FAM120A: variants seen among roughly 807,000 people sequenced by gnomAD.
FAM120A encodes the protein constitutive coactivator of PPAR-gamma-like protein 1.
FAM120A carries 15 observed loss-of-function variants against 109.7 expected under a neutral mutation model. That is an observed-to-expected ratio of 0.14 (90% CI 0.09 to 0.21). FAM120A has a LOEUF of 0.21. Ranked by LOEUF, FAM120A falls within the 10% of genes least tolerant of loss-of-function variation. FAM120A has a pLI of 1.00. For synonymous variants in FAM120A, 493 were observed against 572.8 expected, an observed-to-expected ratio of 0.86 and a Z score of 1.99; for missense variants, 899 against 1,439.3, an observed-to-expected ratio of 0.62 and a Z score of 6.07.
Position 93,498,958 on chromosome 9 carries a change from A to G in FAM120A, c.1030+72A>G, listed in dbSNP as rs951253703. 1.0e-6 allele frequency: 1 copy of G among 982,450 alleles called. No homozygotes were observed. The highest frequency in any genetic ancestry group is 1.6e-6 in the Non-Finnish European group (1 of 616,394). 60.9% of individuals were successfully genotyped at this position (982,450 alleles called of 1,614,324 possible). On this transcript the variant is annotated intron_variant, in intron 5 of 17. Transcript: ENST00000277165. This position sits in a 1 kb window ranked among gnomAD's most constrained non-coding sequence, Gnocchi z 4.4. ...AAGTAGGTTTAAATATTCACCATAT[A>G]ATCTTGTAGGTTTATGTTTTTGAAA...
Position 93,451,929 on chromosome 9 carries a change from G to A in FAM120A, c.14G>A (p.Gly5Asp). 6.7e-7 allele frequency: 1 copy of A among 1,489,338 alleles called. No homozygotes were observed. The highest frequency in any genetic ancestry group is 1.3e-5 in the South Asian group (1 of 76,970). The allele number at this position is 1,489,338 out of a possible 1,614,324, so 92.3% of individuals were successfully genotyped here. A position where few individuals can be genotyped will look rare whatever the true frequency, so the allele number is the denominator to read the frequency against. The change falls in exon 1 of 18, where the codon GGC becomes GAC. Residue 5 changes from glycine to aspartate, a missense_variant. Around this residue, in one of 11 missense-constraint regions of FAM120A, gnomAD observed 258 missense variants for 451.4 expected, o/e 0.57. Transcript: ENST00000277165. Reference sequence around the variant, plus strand: ...CCCGCCGCCGCCATGGGCGTGCAGGGCTTCCAGGACTACATCGAGAAGCAC... The same window carrying A: ...CCCGCCGCCGCCATGGGCGTGCAGGACTTCCAGGACTACATCGAGAAGCAC... Reference protein sequence around the residue: MGVQGFQDYIEKHCP... With the variant: MGVQDFQDYIEKHCP...
At chr9:93,487,805 G>A (rs77170353) in intron 3 of FAM120A, among the ~76,000 whole-genome samples, 4,332 of 152,250 alleles carry the variant, frequency 0.028, 91 homozygotes, top group East Asian at 0.07. Flanking sequence ...AAAATTGATG[G>A]ATTTTATTCC....
At chr9:93,537,337 G>T (rs1453511380) in intron 10 of FAM120A, among the ~76,000 whole-genome samples, 4 of 152,176 alleles carry the variant, frequency 2.6e-5, no homozygotes, top group Non-Finnish European at 5.9e-5. Flanking sequence ...CATTTTAAAA[G>T]ATTGTAGAGT....
chr9:93,484,037 TC>T (rs1304665799), intron 3 of FAM120A, among the ~76,000 whole-genome samples: 1 of 150,686 alleles, frequency 6.6e-6, no homozygotes, highest in East Asian at 1.9e-4. Flanking sequence ...TCTGTGTCTC[TC>T]TTTTTTTTTT....
intron 1 of FAM120A, among the ~76,000 whole-genome samples, chr9:93,460,721 G>T: frequency 6.6e-6 from 1 of 152,188 alleles, no homozygotes; most frequent in East Asian, 1.9e-4. Flanking sequence ...GATGCTTGGT[G>T]TGTAGTACAT....
intron 9 of FAM120A, chr9:93,530,029 C>T (rs1861267665): frequency 3.6e-6 from 1 of 280,990 alleles, no homozygotes; most frequent in African/African-American, 2.2e-5. Flanking sequence ...TGTGTTTTGA[C>T]TTGTTCATGA....
In FAM120A at chr9:93,523,359, C is replaced by T. The variant is rs541323794; in HGVS notation, c.1419-3796C>T. The T allele has an allele frequency of 2.7e-5, 35 of 1,285,386 alleles. No homozygotes were observed. The Admixed American group carries it at 8.1e-4, about 30-fold the overall frequency. 79.6% of individuals were successfully genotyped at this position (1,285,386 alleles called of 1,614,324 possible). A position where few individuals can be genotyped will look rare whatever the true frequency, so the allele number is the denominator to read the frequency against. On this transcript the variant is annotated intron_variant, in intron 7 of 17. Coordinates refer to ENST00000277165, the MANE Select transcript of FAM120A (RefSeq NM_014612.5). ...CGTGCTCTGCTCCAGGATCCTGAGG[C>T]ATGGGTAGGTAGGCCTGGGGCTGAG...
intron 2 of FAM120A, 130 bp from the exon 3 acceptor site, chr9:93,476,124 TAA>T (rs1168571739): frequency 3.8e-5 from 23 of 613,202 alleles, no homozygotes; most frequent in Non-Finnish European, 6.4e-5. Flanking sequence ...CGCTTTATGT[TAA>T]GAGATGAAGA....
chr9:93,534,438 G>C (rs13292712), intron 10 of FAM120A, among the ~76,000 whole-genome samples: 79,303 of 151,808 alleles, frequency 0.52, 21,038 homozygotes, highest in East Asian at 0.59. Context: ...TTGGGGAAGT[G>C]TGAAATGACT....
intron 5 of FAM120A, among the ~76,000 whole-genome samples, chr9:93,507,309 G>A (rs1860104902): frequency 6.6e-6 from 1 of 152,210 alleles, no homozygotes; most frequent in Non-Finnish European, 1.5e-5. Context: ...TCAATGAAAA[G>A]AATTCGGGGG....
chr9:93,523,395 T>C (rs1471974696), intron 7 of FAM120A: 1 of 1,065,452 alleles, frequency 9.4e-7, no homozygotes, highest in Non-Finnish European at 1.3e-6. Flanking sequence ...GGAATGACTT[T>C]AGTGTAACTG....
At chr9:93,478,279 GTT>G (rs1051164882) in intron 3 of FAM120A, among the ~76,000 whole-genome samples, 1 of 142,136 alleles carries the variant, frequency 7.0e-6, no homozygotes. Flanking sequence ...TCATTTATAG[GTT>G]TTTTTTTTTT....
chr9:93,469,684 A>G (rs1486046726), intron 1 of FAM120A, among the ~76,000 whole-genome samples: 1 of 152,192 alleles, frequency 6.6e-6, no homozygotes, highest in Non-Finnish European at 1.5e-5. Flanking sequence ...ATAAAACAGC[A>G]TTTCTTATTC....
intron 3 of FAM120A, among the ~76,000 whole-genome samples, chr9:93,490,805 C>A (rs1461095615): frequency 6.6e-6 from 1 of 152,196 alleles, no homozygotes. Flanking sequence ...CCTTAAGACG[C>A]CCCTTGAGTG....
At chr9:93,483,630 G>A (rs533636160) in intron 3 of FAM120A, among the ~76,000 whole-genome samples, 9 of 152,080 alleles carry the variant, frequency 5.9e-5, no homozygotes, top group East Asian at 1.9e-4. Context: ...CCCACTTCTC[G>A]GAGATAACCA....
chr9:93,497,103 C>G (rs764501645), intron 3 of FAM120A, among the ~76,000 whole-genome samples: 1 of 152,152 alleles, frequency 6.6e-6, no homozygotes, highest in Non-Finnish European at 1.5e-5. Flanking sequence ...AATGGTGGCT[C>G]CAGGCCTTCT....
At chr9:93,491,832 T>A (rs1007949218) in intron 3 of FAM120A, among the ~76,000 whole-genome samples, 2 of 152,058 alleles carry the variant, frequency 1.3e-5, no homozygotes, top group African/African-American at 4.8e-5. Flanking sequence ...AAATGTTAAG[T>A]TTTTGGGCTA....
At chr9:93,538,156 T>TA (rs1474889123) in intron 10 of FAM120A, among the ~76,000 whole-genome samples, 3 of 152,204 alleles carry the variant, frequency 2.0e-5, no homozygotes, top group Non-Finnish European at 4.4e-5. Context: ...ATGTCTGTAA[T>TA]ACTGTGTTCT....
intron 3 of FAM120A, among the ~76,000 whole-genome samples, chr9:93,477,066 A>G (rs1009348430): frequency 6.6e-6 from 1 of 152,176 alleles, no homozygotes; most frequent in Non-Finnish European, 1.5e-5. Context: ...AATTAGGAAG[A>G]TGGGGACCTA....
Sources: allele counts gnomAD v4.1 joint callset (sites outside exome capture counted in the v4.1 genomes callset), GRCh38; gene constraint gnomAD v4.1.1; regional missense constraint gnomAD v4.1.1; non-coding constraint Gnocchi (gnomAD v3.1); transcripts MANE v1.5; gene names NCBI Gene and HGNC (gene_info 2026-07-23, HGNC 2026-07-21).